Variants in SHISA2 observed in about 807,000 individuals in gnomAD.
SHISA2 encodes the protein protein shisa-2 homolog.
SHISA2 carries 16 observed loss-of-function variants against 23.8 expected under a neutral mutation model. The ratio of observed to expected loss-of-function variants is 0.67; its 90% CI spans 0.46 to 1.02. The LOEUF is 1.02. Ranked by LOEUF, SHISA2 falls within the 50% of genes least tolerant of loss-of-function variation. The pLI is 0.00. For synonymous variants in SHISA2, 201 were observed against 178.6 expected (o/e 1.13, Z -1.00); for missense variants, 459 against 420.1 (o/e 1.09, Z -0.81).
Position 26,046,525 on chromosome 13 carries a change from C to T in SHISA2, c.876G>A (p.Ala292=), listed in dbSNP as rs772519736. 126 of 1,605,020 alleles carry T rather than the reference C, an allele frequency of 7.9e-5. No homozygotes were observed. The highest frequency in any genetic ancestry group is 6.5e-4 in the South Asian group (58 of 89,468). Residue 292 remains alanine (A), a synonymous_variant, in exon 2 of 2, where the codon GCG becomes GCA. Coordinates refer to ENST00000319420, the MANE Select transcript of SHISA2 (RefSeq NM_001007538.2). ...CAGTGACTCTCGGTTATACAGTCAC[C>T]GCTGGGTACATCTTCTGTTCACTGT... ...HTNSEQKMYP[A]VTV
At position 26,046,707 on chromosome 13, in the gene SHISA2, C is replaced by T; in HGVS notation, c.694G>A (p.Ala232Thr). The T allele has an allele frequency of 1.2e-6, 2 of 1,614,214 alleles. No homozygotes were observed. Among genetic ancestry groups the T allele is most frequent in the Non-Finnish European group, 1.7e-6 (2 of 1,180,046 alleles). The change falls in exon 2 of 2, where the codon GCC (alanine) becomes ACC (threonine). Residue 232 changes from alanine to threonine, a missense_variant. Transcript: ENST00000319420. ...TNFSVLNCQQ[A>T]TQIVPHQGQY... is the part of the protein sequence containing the mutation. ...CCTTGATGTGGCACAATCTGGGTGG[C>T]CTGCTGACAGTTCAGCACAGAGAAA... is the stretch of plus-strand genomic sequence containing the variant.
intron 1 of SHISA2, among the ~76,000 whole-genome samples, chr13:26,047,351 C>G (rs894580528): frequency 2.0e-4 from 31 of 152,172 alleles, no homozygotes; most frequent in African/African-American, 7.2e-4. Context: ...AGCCAGATAT[C>G]CGATTTAGCA....
chr13:26,051,623 G>T lies in SHISA2; in HGVS notation c.-648C>A, dbSNP rs761533848. ...CAGCCCCGACGCTCCACTCGGCGGG[G>T]CCGACGGCCAATCTTCCCAGCACGT... is the stretch of plus-strand genomic sequence containing the variant. On this transcript the variant is annotated 5_prime_UTR_variant, in exon 1 of 2. Transcript: ENST00000319420. 7.6e-4 allele frequency among the ~76,000 whole-genome samples: 115 copies of T among 152,128 alleles called. No individual in the cohort carries two copies. Among genetic ancestry groups the T allele is most frequent in the Middle Eastern group, 3.2e-3 (1 of 314 alleles).
rs1957273596 is a variant in SHISA2, at chr13:26,046,990, G to A, written c.411C>T (p.Ala137=). The change falls in exon 2 of 2, where the codon GCC becomes GCT. Residue 137 remains alanine, a synonymous_variant. Transcript: ENST00000319420. The stretch of plus-strand genomic sequence containing the variant: ...TAGGCCGGAGACATCTGCAGCAACA[G>A]GCTGCCACCAGGGACCCCAAGATGA... The part of the protein sequence containing the change: ...AFIILGSLVA[A]CCCRCLRPKQ... 4 of 1,597,654 alleles carry A rather than the reference G, an allele frequency of 2.5e-6. No individual in the cohort carries two copies. In the South Asian group the frequency reaches 4.4e-5, roughly 18 times the overall value.
rs952900368 is a variant in SHISA2, at chr13:26,051,019, G to A, written c.-44C>T. On this transcript the variant is annotated 5_prime_UTR_variant, in exon 1 of 2. Coordinates refer to ENST00000319420, the MANE Select transcript of SHISA2 (RefSeq NM_001007538.2). ...GACAGCGCGTCTCCAGAGAGCGCAGGACGGTCTCCGAGAAGTCGTGGCCCC... is the reference window on the plus strand; with the variant it reads ...GACAGCGCGTCTCCAGAGAGCGCAGAACGGTCTCCGAGAAGTCGTGGCCCC... 1 of 1,433,812 alleles carries A rather than the reference G, an allele frequency of 7.0e-7. No homozygotes were observed. Among genetic ancestry groups the A allele is most frequent in the Non-Finnish European group, 9.1e-7 (1 of 1,100,240 alleles). The allele number at this position is 1,433,812 out of a possible 1,614,324, so 88.8% of individuals were successfully genotyped here.
In SHISA2 at chr13:26,050,654, CG is replaced by C; in HGVS notation, c.321del (p.Asp108ThrfsTer53). 1 of 1,419,478 alleles carries C rather than the reference CG, an allele frequency of 7.0e-7. No individual in the cohort carries two copies. The highest frequency in any genetic ancestry group is 1.5e-5 in the South Asian group (1 of 67,858). The allele number at this position is 1,419,478 out of a possible 1,614,324, so 87.9% of individuals were successfully genotyped here. On this transcript the variant is annotated frameshift_variant, in exon 1 of 2. Coordinates refer to ENST00000319420, the MANE Select transcript of SHISA2 (RefSeq NM_001007538.2). LOFTEE classifies it high-confidence loss of function. ...CAGGCCGCCCTACCTGCCGAGCCGTCGGGGCCGTCTTTGTCCGCCCGGCCAG... is the reference window on the plus strand; with the variant it reads ...CAGGCCGCCCTACCTGCCGAGCCGTCGGGCCGTCTTTGTCCGCCCGGCCAG... ...GEPGRADKDG[P>X]DGSAVPIYVP... is the part of the protein sequence containing the mutation.
At chr13:26,048,862 A>G (rs755512265) in intron 1 of SHISA2, among the ~76,000 whole-genome samples, 20 of 152,174 alleles carry the variant, frequency 1.3e-4, no homozygotes, top group Non-Finnish European at 2.4e-4. Flanking sequence ...GAACAGAGCA[A>G]TTTCTATATA....
At chr13:26,048,674 G>C (rs933961589) in intron 1 of SHISA2, among the ~76,000 whole-genome samples, 1 of 152,190 alleles carries the variant, frequency 6.6e-6, no homozygotes, top group African/African-American at 2.4e-5. Context: ...TCATCCATTA[G>C]AGCAGCCGGG....
At chr13:26,049,160 G>C (rs1291243633) in intron 1 of SHISA2, among the ~76,000 whole-genome samples, 1 of 152,208 alleles carries the variant, frequency 6.6e-6, no homozygotes, top group African/African-American at 2.4e-5. Flanking sequence ...CACATAATGA[G>C]TTTTGGGGAG....
chr13:26,050,537 G>A (rs763176972), intron 1 of SHISA2, 105 bp downstream of exon 1: 46 of 1,168,792 alleles, frequency 3.9e-5, no homozygotes, highest in Non-Finnish European at 4.8e-5. Context: ...TCCGCCTCCT[G>A]GTCCTAGGCC....
At position 26,046,884 on chromosome 13, in the gene SHISA2, A is replaced by T. The variant is rs756139630; in HGVS notation, c.517T>A (p.Ser173Thr). Residue 173 changes from serine (S) to threonine (T), a missense_variant, in exon 2 of 2, where the codon TCC becomes ACC. By Grantham distance (58) the Ser-to-Thr change is moderately conservative (BLOSUM62 1). Coordinates refer to ENST00000319420, the MANE Select transcript of SHISA2 (RefSeq NM_001007538.2). The part of the protein sequence containing the change: ...TIPMIPSAST[S>T]RGSSSRQSST... ...GACTGGCGTGAGGACGACCCCCGGG[A>T]GGTGCTGGCACTGGGGATCATGGGG... 1.1e-5 allele frequency: 18 copies of T among 1,613,376 alleles called. No homozygotes were observed. Among genetic ancestry groups the T allele is most frequent in the Non-Finnish European group, 1.4e-5 (17 of 1,179,774 alleles).
intron 1 of SHISA2, among the ~76,000 whole-genome samples, chr13:26,047,360 C>T (rs1957275601): frequency 6.6e-6 from 1 of 152,176 alleles, no homozygotes; most frequent in Non-Finnish European, 1.5e-5. Flanking sequence ...TCCGATTTAG[C>T]AAAAGTATGG....
At chr13:26,049,488 C>A (rs750479774) in intron 1 of SHISA2, among the ~76,000 whole-genome samples, 8 of 152,194 alleles carry the variant, frequency 5.3e-5, no homozygotes, top group Non-Finnish European at 8.8e-5. Flanking sequence ...AGTTCGGGGT[C>A]TGGCTCCCTT....
chr13:26,046,753 C>T lies in SHISA2; in HGVS notation c.648G>A (p.Val216=). 6.2e-7 allele frequency: 1 copy of T among 1,614,232 alleles called. No individual in the cohort carries two copies. The highest frequency in any genetic ancestry group is 8.5e-7 in the Non-Finnish European group (1 of 1,180,046). ...CCLPEGTMNN[V]YVNMPTNFSV... ...AGAAATTCGTGGGCATGTTGACATACACGTTGTTCATGGTCCCTTCCGGCA... is the reference window on the plus strand; with the variant it reads ...AGAAATTCGTGGGCATGTTGACATATACGTTGTTCATGGTCCCTTCCGGCA... Residue 216 remains valine, a synonymous_variant, in exon 2 of 2, where the codon GTG becomes GTA. Coordinates refer to ENST00000319420, the MANE Select transcript of SHISA2 (RefSeq NM_001007538.2).
chr13:26,050,730 G>A lies in SHISA2; in HGVS notation c.246C>T (p.Arg82=). The part of the protein sequence containing the change: ...LRYCCSSAEA[R]LDQGGCDNDR... ...CATTGTCGCAGCCGCCCTGGTCCAGGCGCGCCTCGGCGCTGGAGCAGCAGT... is the reference window on the plus strand; with the variant it reads ...CATTGTCGCAGCCGCCCTGGTCCAGACGCGCCTCGGCGCTGGAGCAGCAGT... Residue 82 remains arginine, a synonymous_variant, in exon 1 of 2, where the codon CGC becomes CGT. Coordinates refer to ENST00000319420, the MANE Select transcript of SHISA2 (RefSeq NM_001007538.2). The A allele has an allele frequency of 2.7e-6, 4 of 1,496,584 alleles. No individual in the cohort carries two copies. The highest frequency in any genetic ancestry group is 2.8e-5 in the East Asian group (1 of 35,984). The allele number at this position is 1,496,584 out of a possible 1,614,324, so 92.7% of individuals were successfully genotyped here.
chr13:26,046,930 A>G lies in SHISA2; in HGVS notation c.471T>C (p.Gly157=), dbSNP rs772686844. ...QDPQQSRAPG[G]NRLMETIPMI... ...TGGGGATGGTCTCCATCAAGCGGTT[A>G]CCCCCTGGGGCTCGGCTCTGCTGGG... The change falls in exon 2 of 2, where the codon GGT becomes GGC. Residue 157 remains glycine (G), a synonymous_variant. Transcript: ENST00000319420. 2 of 1,613,060 alleles carry G rather than the reference A, an allele frequency of 1.2e-6. No homozygotes were observed. The highest frequency in any genetic ancestry group is 4.5e-5 in the East Asian group (2 of 44,800).
chr13:26,048,762 A>G (rs1252967242), intron 1 of SHISA2, among the ~76,000 whole-genome samples: 9 of 152,206 alleles, frequency 5.9e-5, no homozygotes, highest in Non-Finnish European at 1.2e-4. Flanking sequence ...AGGTGGAATT[A>G]TGGAGAAATA....
In SHISA2 at chr13:26,046,893, C is replaced by T; in HGVS notation, c.508G>A (p.Ala170Thr). The T allele has an allele frequency of 6.2e-7, 1 of 1,613,584 alleles. No individual in the cohort carries two copies. The highest frequency in any genetic ancestry group is 8.5e-7 in the Non-Finnish European group (1 of 1,179,730). ...GAGGACGACCCCCGGGAGGTGCTGGCACTGGGGATCATGGGGATGGTCTCC... is the reference window on the plus strand; with the variant it reads ...GAGGACGACCCCCGGGAGGTGCTGGTACTGGGGATCATGGGGATGGTCTCC... ...LMETIPMIPS[A>T]STSRGSSSRQ... The change falls in exon 2 of 2, where the codon GCC becomes ACC. Residue 170 changes from alanine to threonine, a missense_variant. By Grantham distance (58) the Ala-to-Thr change is moderately conservative (BLOSUM62 0). Coordinates refer to ENST00000319420, the MANE Select transcript of SHISA2 (RefSeq NM_001007538.2).
At chr13:26,049,863 A>ACAC (rs372220468) in intron 1 of SHISA2, among the ~76,000 whole-genome samples, 1 of 135,950 alleles carries the variant, frequency 7.4e-6, no homozygotes, top group Admixed American at 7.3e-5. Flanking sequence ...CGAAATAAAT[A>ACAC]ACACACACAC....
Sources: gnomAD v4.1 joint callset for allele counts (sites outside exome capture counted in the v4.1 genomes callset) on GRCh38, gnomAD v4.1.1 for gene constraint, MANE v1.5 for transcripts, NCBI Gene and HGNC (gene_info 2026-07-23, HGNC 2026-07-21) for gene names.